AGBL4: variants seen among roughly 807,000 people sequenced by gnomAD.
AGBL4 encodes cytosolic carboxypeptidase 6.
Under a neutral mutation model 66.4 loss-of-function variants are expected in AGBL4, and 58 were observed. The observed-to-expected ratio is 0.87, with a 90% CI of 0.71 to 1.09. The LOEUF (loss-of-function observed/expected upper bound fraction) is 1.09. AGBL4 is among the 50% of genes least tolerant of loss of function. The probability of loss-of-function intolerance (pLI) is 0.00; values close to 1 mark genes in which losing one functional copy is unlikely to be tolerated. For synonymous variants in AGBL4, 234 were observed against 222.9 expected (o/e 1.05, Z -0.44); for missense variants, 579 against 631.0 (o/e 0.92, Z 0.88).
chr1:49,007,724 A>T (rs1262309700), intron 5 of AGBL4, among the ~76,000 whole-genome samples: 2 of 151,380 alleles, frequency 1.3e-5, no homozygotes, highest in Non-Finnish European at 3.0e-5. Context: ...GCCAATATTC[A>T]ACATTCTTAA....
chr1:49,707,367 C>CTTTTT (rs34368394), intron 2 of AGBL4, among the ~76,000 whole-genome samples: 26 of 76,214 alleles, frequency 3.4e-4, no homozygotes, highest in East Asian at 7.2e-4. Context: ...GCAACCCCTG[C>CTTTTT]TTTTTTTTTT....
chr1:48,530,183 C>A (rs996469662), downstream of AGBL4, among the ~76,000 whole-genome samples: 4 of 152,122 alleles, frequency 2.6e-5, no homozygotes, highest in Non-Finnish European at 2.9e-5. Flanking sequence ...TTCTCACTAG[C>A]CACATGGGTG....
At chr1:49,108,185 T>C (rs893556062) in intron 4 of AGBL4, among the ~76,000 whole-genome samples, 1 of 152,170 alleles carries the variant, frequency 6.6e-6, no homozygotes, top group African/African-American at 2.4e-5. Flanking sequence ...ATCAGAATGT[T>C]CGTATATATT....
At position 48,628,394 on chromosome 1, in the gene AGBL4, A is replaced by G. The variant is rs192235296; in HGVS notation, c.951+6099T>C. On this transcript the variant is annotated intron_variant, in intron 9 of 13. Coordinates refer to ENST00000371839, the MANE Select transcript of AGBL4 (RefSeq NM_032785.4). ...CTCTGATTTTCAAGACTGAGAGAGG[A>G]TATATGCTGGAATATTCCTAACAAG... Among the ~76,000 whole-genome samples the G allele has an allele frequency of 2.7e-3, 414 of 152,130 alleles. 6 individuals are homozygous for G. The highest frequency in any genetic ancestry group is 3.2e-3 in the Non-Finnish European group (219 of 68,022).
At chr1:49,518,692 A>G (rs1650023811) in intron 3 of AGBL4, among the ~76,000 whole-genome samples, 1 of 152,094 alleles carries the variant, frequency 6.6e-6, no homozygotes, top group Non-Finnish European at 1.5e-5. Context: ...ATGCAAAAGC[A>G]CCTTGATACT....
chr1:48,766,039 C>T (rs1169362156), intron 6 of AGBL4, among the ~76,000 whole-genome samples: 1 of 152,192 alleles, frequency 6.6e-6, no homozygotes, highest in African/African-American at 2.4e-5. Context: ...AAAACACTCA[C>T]TTGCACACAC....
chr1:49,753,114 T>C (rs757684770), intron 2 of AGBL4, among the ~76,000 whole-genome samples: 1 of 152,222 alleles, frequency 6.6e-6, no homozygotes, highest in Non-Finnish European at 1.5e-5. Context: ...TGTCATATGA[T>C]GCTAGCTGGT....
At chr1:49,089,476 T>C (rs1028773463) in intron 4 of AGBL4, among the ~76,000 whole-genome samples, 7 of 152,136 alleles carry the variant, frequency 4.6e-5, no homozygotes, top group Non-Finnish European at 1.0e-4. Context: ...AACTCCTCTG[T>C]GCACACAAGC....
chr1:49,865,910 C>T (rs1029782928), intron 1 of AGBL4: 2 of 404,924 alleles, frequency 4.9e-6, no homozygotes, highest in East Asian at 7.3e-5. Flanking sequence ...TAGAGAGGCA[C>T]ATAAATGACC....
chr1:49,372,385 T>C (rs151000934), intron 3 of AGBL4, among the ~76,000 whole-genome samples: 3 of 152,252 alleles, frequency 2.0e-5, no homozygotes, highest in East Asian at 1.9e-4. Context: ...ATACACAAGC[T>C]CCTTAGCAAG....
chr1:49,884,787 G>T (rs1204086126), intron 1 of AGBL4, among the ~76,000 whole-genome samples: 1 of 151,592 alleles, frequency 6.6e-6, no homozygotes, highest in Non-Finnish European at 1.5e-5. Flanking sequence ...AAAAAATAAT[G>T]TATGAATAAT....
At chr1:49,074,391 G>T (rs1189272450) in intron 4 of AGBL4, among the ~76,000 whole-genome samples, 2 of 152,126 alleles carry the variant, frequency 1.3e-5, no homozygotes, top group Non-Finnish European at 1.5e-5. Context: ...ACCCTCCATG[G>T]GCTGCATCCA....
chr1:49,136,401 A>C (rs1317366630), intron 4 of AGBL4, among the ~76,000 whole-genome samples: 1 of 152,192 alleles, frequency 6.6e-6, no homozygotes. Context: ...ATTCAAATAT[A>C]GACCCTTCTG....
At chr1:48,827,976 A>AC (rs577404571) in intron 6 of AGBL4, among the ~76,000 whole-genome samples, 120 of 146,192 alleles carry the variant, frequency 8.2e-4, no homozygotes, top group African/African-American at 2.9e-3. Context: ...AGCATGTGAG[A>AC]CCCCGTCTCT....
At chr1:48,952,865 T>TC (rs1657118273) in intron 5 of AGBL4, among the ~76,000 whole-genome samples, 1 of 149,748 alleles carries the variant, frequency 6.7e-6, no homozygotes, top group African/African-American at 2.4e-5. Flanking sequence ...TTTTTGTGAT[T>TC]TTTTTTTTTA....
At chr1:48,987,242 T>C (rs1028816872) in intron 5 of AGBL4, among the ~76,000 whole-genome samples, 2 of 151,840 alleles carry the variant, frequency 1.3e-5, no homozygotes, top group Non-Finnish European at 2.9e-5. Flanking sequence ...ACAGATTAGA[T>C]AACAAAGCAT....
At chr1:49,317,129 CTTTG>C (rs1645053215) in intron 3 of AGBL4, among the ~76,000 whole-genome samples, 1 of 151,674 alleles carries the variant, frequency 6.6e-6, no homozygotes. Flanking sequence ...AACATGTTAA[CTTTG>C]TTTATGTATT....
At chr1:49,709,388 A>G (rs1439687358) in intron 2 of AGBL4, among the ~76,000 whole-genome samples, 1 of 152,188 alleles carries the variant, frequency 6.6e-6, no homozygotes, top group Non-Finnish European at 1.5e-5. Flanking sequence ...AAGCCTCAGC[A>G]TGGTGGACGG....
chr1:49,598,602 G>A (rs1191718479), intron 3 of AGBL4, among the ~76,000 whole-genome samples: 10 of 152,016 alleles, frequency 6.6e-5, no homozygotes, highest in Admixed American at 1.3e-4. Context: ...GTACCCGGCC[G>A]TGTGAGGTGT....
Sources: allele counts gnomAD v4.1 joint callset (sites outside exome capture counted in the v4.1 genomes callset), GRCh38; gene constraint gnomAD v4.1.1; transcripts MANE v1.5; gene names NCBI Gene and HGNC (gene_info 2026-07-23, HGNC 2026-07-21).